PUDP: variants seen among roughly 807,000 people sequenced by gnomAD.
PUDP encodes pseudouridine-5'-phosphatase.
PUDP carries 8 observed loss-of-function variants against 9.4 expected under a neutral mutation model. The ratio of observed to expected loss-of-function variants is 0.85; its 90% CI spans 0.50 to 1.53. The LOEUF (loss-of-function observed/expected upper bound fraction) is 1.53, where lower values mean the gene tolerates loss of function less well. Among genes scored for constraint, PUDP ranks in the 40% most tolerant of loss-of-function variants. The pLI is 0.00. For missense variants in PUDP, 188 were observed against 189.7 expected, an observed-to-expected ratio of 0.99 and a Z score of 0.05; for synonymous variants, 99 against 80.7, an observed-to-expected ratio of 1.23 and a Z score of -1.22.
intron 3 of PUDP, among the ~76,000 whole-genome samples, chrX:6,876,520 A>C: frequency 9.0e-6 from 1 of 110,530 alleles, no homozygotes; most frequent in Non-Finnish European, 1.9e-5. Flanking sequence ...ATAGACATAT[A>C]CATATATATA....
intron 1 of PUDP, among the ~76,000 whole-genome samples, chrX:7,013,663 T>C (rs1368720219): frequency 8.9e-6 from 1 of 111,979 alleles, no homozygotes; most frequent in African/African-American, 3.3e-5. Flanking sequence ...AACAGGCGTG[T>C]GGCTCGCCCG....
intron 3 of PUDP, among the ~76,000 whole-genome samples, chrX:6,885,513 T>C (rs1426378160): frequency 9.0e-6 from 1 of 111,691 alleles, no homozygotes; most frequent in East Asian, 2.8e-4. Context: ...TCCTACCCAA[T>C]ACAAACCTTA....
chrX:7,105,175 C>CT (rs202027557), intron 2 of PUDP, among the ~76,000 whole-genome samples: 98 of 98,076 alleles, frequency 1.0e-3, no homozygotes, highest in Non-Finnish European at 1.6e-3. Context: ...CGACTTTTTA[C>CT]TTTTTTTTTT....
At chrX:6,942,286 A>G (rs1437323320) in intron 3 of PUDP, among the ~76,000 whole-genome samples, 1 of 112,359 alleles carries the variant, frequency 8.9e-6, no homozygotes, top group Non-Finnish European at 1.9e-5. Flanking sequence ...ATGTTGTAAT[A>G]CTGAATTATT....
At chrX:7,036,851 G>C (rs990906482) in intron 1 of PUDP, among the ~76,000 whole-genome samples, 1 of 111,135 alleles carries the variant, frequency 9.0e-6, no homozygotes. Flanking sequence ...TTTCATTCCC[G>C]TCTAACCTAA....
At chrX:6,742,659 C>T (rs980462480) in intron 3 of PUDP, among the ~76,000 whole-genome samples, 1 of 111,800 alleles carries the variant, frequency 8.9e-6, no homozygotes, top group African/African-American at 3.3e-5. Context: ...CCTGTAGTCC[C>T]AGCTACTCAG....
intron 1 of PUDP, among the ~76,000 whole-genome samples, chrX:6,720,181 T>C (rs938372302): frequency 7.9e-5 from 8 of 100,724 alleles, no homozygotes; most frequent in Non-Finnish European, 1.6e-4. Flanking sequence ...TATATGTGTG[T>C]ATATACATAT....
chrX:7,111,837 C>A (rs1228845792), intron 1 of PUDP, among the ~76,000 whole-genome samples: 14 of 111,415 alleles, frequency 1.3e-4, no homozygotes, highest in African/African-American at 4.6e-4. Flanking sequence ...TACCTCTGAG[C>A]ATCAACATAT....
intron 3 of PUDP, among the ~76,000 whole-genome samples, chrX:6,757,567 G>A (rs989966683): frequency 3.6e-5 from 4 of 111,054 alleles, no homozygotes; most frequent in Non-Finnish European, 5.7e-5. Flanking sequence ...AAGGAGAAAC[G>A]ATGAGTGTGA....
chrX:6,998,666 A>T (rs990574818), intron 1 of PUDP, among the ~76,000 whole-genome samples: 1 of 112,559 alleles, frequency 8.9e-6, no homozygotes, highest in Non-Finnish European at 1.9e-5. Flanking sequence ...AATCGAGAGC[A>T]CATGCTAATT....
chrX:6,941,341 C>CTTTTTTTTTTTTTTTT (rs761887998), intron 3 of PUDP, among the ~76,000 whole-genome samples: 1 of 78,647 alleles, frequency 1.3e-5, no homozygotes, highest in African/African-American at 4.8e-5. Context: ...TCTTTTCTGT[C>CTTTTTTTTTTTTTTTT]TTTTTTTTTT....
intron 3 of PUDP, among the ~76,000 whole-genome samples, chrX:6,976,527 G>A (rs1246001788): frequency 8.9e-6 from 1 of 111,918 alleles, no homozygotes; most frequent in Admixed American, 9.4e-5. Context: ...TCCATGGGCT[G>A]CACCCACTGT....
At chrX:6,858,257 C>T (rs1460288659) in intron 3 of PUDP, among the ~76,000 whole-genome samples, 22 of 109,663 alleles carry the variant, frequency 2.0e-4, no homozygotes, top group African/African-American at 7.0e-4. Context: ...GGAGAGGGTA[C>T]GGAAGCTCTG....
intron 3 of PUDP, among the ~76,000 whole-genome samples, chrX:6,915,771 A>G (rs749660496): frequency 8.9e-6 from 1 of 112,211 alleles, no homozygotes; most frequent in Admixed American, 9.5e-5. Flanking sequence ...TCTAATATGG[A>G]TAATTCAAAT....
chrX:6,966,150 C>T (rs923446357), intron 3 of PUDP, among the ~76,000 whole-genome samples: 5 of 110,589 alleles, frequency 4.5e-5, no homozygotes, highest in African/African-American at 1.6e-4. Flanking sequence ...TCCTTTAAAG[C>T]ACATTTTTCT....
chrX:6,749,896 C>G (rs1925045706), intron 3 of PUDP, among the ~76,000 whole-genome samples: 1 of 112,110 alleles, frequency 8.9e-6, no homozygotes, highest in Non-Finnish European at 1.9e-5. Flanking sequence ...TTTCTCCTCC[C>G]TTTCCTTCCA....
At chrX:6,741,297 G>A (rs1461165409) in intron 3 of PUDP, among the ~76,000 whole-genome samples, 1 of 111,631 alleles carries the variant, frequency 9.0e-6, no homozygotes, top group Admixed American at 9.5e-5. Context: ...GACTTCAAAC[G>A]TGTTAGTTTA....
chrX:7,108,582 A>C (rs1351683855), intron 1 of PUDP, among the ~76,000 whole-genome samples: 6 of 112,255 alleles, frequency 5.3e-5, no homozygotes, highest in Admixed American at 1.9e-4. Flanking sequence ...GCTAACAGCA[A>C]CAAGAAGAGC....
rs1285026727 is a variant in PUDP, at chrX:6,840,861, G to A, written c.*248-134395C>T. Among the ~76,000 whole-genome samples, 18 of 110,267 alleles carry A rather than the reference G, an allele frequency of 1.6e-4. No homozygotes were observed. In the Admixed American group the frequency reaches 1.7e-3, roughly 11 times the overall value. ...GGTTGTGCATATGTGGGGATAGGAA[G>A]TATATGGAAACTCTCTGTACCTTCC... On this transcript the variant is annotated intron_variant and NMD_transcript_variant, in intron 3 of 3. Transcript: ENST00000655425.
Sources: gnomAD v4.1 joint callset for allele counts (sites outside exome capture counted in the v4.1 genomes callset) on GRCh38, gnomAD v4.1.1 for gene constraint, MANE v1.5 for transcripts, NCBI Gene and HGNC (gene_info 2026-07-23, HGNC 2026-07-21) for gene names.